PARD3B: variants seen among roughly 807,000 people sequenced by gnomAD.
PARD3B encodes the protein par-3 family cell polarity regulator beta, also known as partitioning defective 3 homolog B.
A neutral mutation model predicts 130.2 loss-of-function variants in PARD3B; 103 were observed. The ratio of observed to expected loss-of-function variants is 0.79; its 90% CI spans 0.67 to 0.93. The LOEUF (loss-of-function observed/expected upper bound fraction) is 0.93. Ranked by LOEUF, PARD3B falls within the 40% of genes least tolerant of loss-of-function variation. The pLI, the probability that PARD3B is intolerant of heterozygous loss-of-function variation, is 0.00. For missense variants in PARD3B, 1,609 were observed against 1,499.2 expected, an observed-to-expected ratio of 1.07 and a Z score of -1.21; for synonymous variants, 583 against 553.2, an observed-to-expected ratio of 1.05 and a Z score of -0.76.
intron 1 of PARD3B, among the ~76,000 whole-genome samples, chr2:204,630,445 GT>G (rs140013385): frequency 0.033 from 5,006 of 152,204 alleles, 252 homozygotes; most frequent in East Asian, 0.14. Flanking sequence ...GGATATTTAT[GT>G]TTTTGAACAT....
At chr2:204,637,791 A>G (rs2034938154) in intron 1 of PARD3B, among the ~76,000 whole-genome samples, 1 of 146,334 alleles carries the variant, frequency 6.8e-6, no homozygotes, top group African/African-American at 2.5e-5. Context: ...TGGGGGTTTT[A>G]GCGTGTCCTT....
intron 2 of PARD3B, among the ~76,000 whole-genome samples, chr2:204,932,361 A>T (rs2125779852): frequency 6.6e-6 from 1 of 152,214 alleles, no homozygotes; most frequent in East Asian, 1.9e-4. Context: ...TCTTTAGTAA[A>T]AGAAATAGCC....
chr2:205,526,235 T>A (rs892990100), intron 21 of PARD3B, among the ~76,000 whole-genome samples: 4 of 152,228 alleles, frequency 2.6e-5, no homozygotes, highest in African/African-American at 9.6e-5. Context: ...TAGTCACATC[T>A]GGGTGTCTGT....
intron 22 of PARD3B, among the ~76,000 whole-genome samples, chr2:205,587,240 A>C (rs1011006699): frequency 7.2e-5 from 11 of 152,218 alleles, no homozygotes; most frequent in African/African-American, 2.7e-4. Context: ...ACTGGTCATG[A>C]GGCAAATTGT....
intron 18 of PARD3B, among the ~76,000 whole-genome samples, chr2:205,326,610 A>G (rs1310818659): frequency 6.6e-6 from 1 of 152,200 alleles, no homozygotes; most frequent in Non-Finnish European, 1.5e-5. Flanking sequence ...TTTACTCAAG[A>G]AAATTGGGGA....
intron 2 of PARD3B, among the ~76,000 whole-genome samples, chr2:204,937,114 T>C (rs981671503): frequency 7.2e-5 from 11 of 152,244 alleles, no homozygotes; most frequent in Non-Finnish European, 1.3e-4. Flanking sequence ...TTATTCTTAA[T>C]TGTCTACTGG....
chr2:205,043,177 T>A (rs1474455802), intron 3 of PARD3B, among the ~76,000 whole-genome samples: 1 of 152,196 alleles, frequency 6.6e-6, no homozygotes, highest in Non-Finnish European at 1.5e-5. Flanking sequence ...TTTGTTTTAG[T>A]GCAAGGTTAG....
chr2:205,181,236 T>C (rs1185975557), intron 13 of PARD3B, among the ~76,000 whole-genome samples: 1 of 152,220 alleles, frequency 6.6e-6, no homozygotes, highest in Admixed American at 6.5e-5. Flanking sequence ...CACATCATAG[T>C]AGAATTATTT....
intron 18 of PARD3B, among the ~76,000 whole-genome samples, chr2:205,383,101 T>TAGATAGATAGATAGATAGAGAGATAGAG (rs2045519693): frequency 7.6e-6 from 1 of 132,344 alleles, no homozygotes; most frequent in African/African-American, 2.6e-5. Flanking sequence ...GATAGATAGA[T>TAGATAGATAGATAGATAGAGAGATAGAG]AGATAGATAG....
intron 1 of PARD3B, among the ~76,000 whole-genome samples, chr2:204,615,085 C>T (rs527846072): frequency 2.2e-4 from 34 of 152,240 alleles, no homozygotes; most frequent in South Asian, 8.3e-4. Flanking sequence ...GTTAGATCTT[C>T]ATATCTGCTT....
intron 1 of PARD3B, among the ~76,000 whole-genome samples, chr2:204,559,570 A>G (rs2031166824): frequency 6.6e-6 from 1 of 152,250 alleles, no homozygotes; most frequent in East Asian, 1.9e-4. Context: ...AGAAATAGGA[A>G]TGCTATTATG....
chr2:204,970,851 T>C (rs1691638307), intron 3 of PARD3B, among the ~76,000 whole-genome samples: 1 of 152,222 alleles, frequency 6.6e-6, no homozygotes, highest in Non-Finnish European at 1.5e-5. Flanking sequence ...TCCTCTTGTG[T>C]GTTAAACTTT....
intron 12 of PARD3B, among the ~76,000 whole-genome samples, chr2:205,172,852 G>T (rs907495759): frequency 1.3e-5 from 2 of 152,098 alleles, no homozygotes; most frequent in Admixed American, 6.5e-5. Context: ...GCTTGCTCAT[G>T]TTATTAAATA....
At chr2:204,564,805 G>A (rs2031570020) in intron 1 of PARD3B, among the ~76,000 whole-genome samples, 1 of 152,124 alleles carries the variant, frequency 6.6e-6, no homozygotes, top group Non-Finnish European at 1.5e-5. Flanking sequence ...AGTTGGAAAG[G>A]GAGAAGCATT....
intron 20 of PARD3B, among the ~76,000 whole-genome samples, chr2:205,465,483 G>C (rs924450159): frequency 2.6e-5 from 4 of 152,258 alleles, no homozygotes; most frequent in African/African-American, 9.6e-5. Flanking sequence ...TATAAAACTC[G>C]ATTTCATTAT....
At chr2:205,084,258 A>G (rs1165058282) in intron 4 of PARD3B, among the ~76,000 whole-genome samples, 5 of 152,120 alleles carry the variant, frequency 3.3e-5, no homozygotes, top group Admixed American at 3.3e-4. Flanking sequence ...TTATATATAG[A>G]AAACAATCCT....
chr2:205,154,550 A>G (rs538737100), intron 10 of PARD3B, among the ~76,000 whole-genome samples: 1 of 152,362 alleles, frequency 6.6e-6, no homozygotes, highest in South Asian at 2.1e-4. Flanking sequence ...TACTGGGTAT[A>G]TACCCAAAGG....
At chr2:205,067,095 CTTTT>C (rs10672449) in intron 4 of PARD3B, among the ~76,000 whole-genome samples, 5 of 59,714 alleles carry the variant, frequency 8.4e-5, no homozygotes, top group African/African-American at 1.5e-4. Context: ...TTTTACTAGG[CTTTT>C]TTTTTTTTTT....
At chr2:204,755,918 AT>A (rs1220964283) in intron 2 of PARD3B, among the ~76,000 whole-genome samples, 1 of 152,064 alleles carries the variant, frequency 6.6e-6, no homozygotes, top group Non-Finnish European at 1.5e-5. Context: ...GTGAATTAGG[AT>A]TTTTAGAGAG....
Sources: allele counts gnomAD v4.1 joint callset (sites outside exome capture counted in the v4.1 genomes callset), GRCh38; gene constraint gnomAD v4.1.1; transcripts MANE v1.5; gene names NCBI Gene and HGNC (gene_info 2026-07-23, HGNC 2026-07-21).